Variants in DRD2 observed in about 807,000 individuals in gnomAD.
DRD2 encodes the protein D(2) dopamine receptor.
In DRD2, 8 loss-of-function variants were observed where a neutral mutation model predicts 38.0. That is an observed-to-expected ratio of 0.21 (90% CI 0.12 to 0.38). The LOEUF (loss-of-function observed/expected upper bound fraction) is 0.38. DRD2 is among the 10% of genes least tolerant of loss of function. The probability of loss-of-function intolerance (pLI) is 1.00; values close to 1 mark genes in which losing one functional copy is unlikely to be tolerated. For missense variants in DRD2, 403 were observed against 607.7 expected (o/e 0.66, Z 3.54); for synonymous variants, 230 against 238.6 (o/e 0.96, Z 0.33).
intron 1 of DRD2, among the ~76,000 whole-genome samples, chr11:113,429,910 G>A (rs1467304960): frequency 6.6e-6 from 1 of 152,212 alleles, no homozygotes; most frequent in Admixed American, 6.5e-5. Flanking sequence ...ATGACTCATG[G>A]CCATGTGCCA....
In DRD2 at chr11:113,418,044, A is replaced by C. The variant is rs148478679; in HGVS notation, c.378T>G (p.Cys126Trp). 1 of 1,614,096 alleles carries C rather than the reference A, an allele frequency of 6.2e-7. No homozygotes were observed. Among genetic ancestry groups the C allele is most frequent in the Non-Finnish European group, 8.5e-7 (1 of 1,180,038 alleles). The change falls in exon 3 of 8, where the codon TGT becomes TGG. Residue 126 changes from cysteine to tryptophan, a missense_variant. Around this residue, in one of 4 missense-constraint regions of DRD2, gnomAD observed 162 missense variants for 254.5 expected, o/e 0.64. Coordinates refer to ENST00000362072, the MANE Select transcript of DRD2 (RefSeq NM_000795.4). ...GGGCTCACCTGTCGATGCTGATGGC[A>C]CACAAGTTCAGGATGCTCGCCGTGC... is the stretch of plus-strand genomic sequence containing the variant. ...MMCTASILNL[C>W]AISIDRYTAV... is the part of the protein sequence containing the mutation.
At chr11:113,416,420 A>C (rs538606957) in intron 4 of DRD2, among the ~76,000 whole-genome samples, 22 of 152,308 alleles carry the variant, frequency 1.4e-4, no homozygotes, top group Non-Finnish European at 2.9e-4. Context: ...CCAGGTGGCT[A>C]AGGCCTGACC....
At chr11:113,466,599 T>C (rs1951372228) in intron 1 of DRD2, among the ~76,000 whole-genome samples, 1 of 152,100 alleles carries the variant, frequency 6.6e-6, no homozygotes, top group Non-Finnish European at 1.5e-5. Context: ...AGAGAAGGCA[T>C]GAAGTATGTT....
At chr11:113,416,308 G>A (rs1009686733) in intron 4 of DRD2, among the ~76,000 whole-genome samples, 3 of 152,148 alleles carry the variant, frequency 2.0e-5, no homozygotes, top group Admixed American at 6.5e-5. Flanking sequence ...CCACGCTGGC[G>A]GGGGCTTTGT....
chr11:113,458,191 A>G (rs77264605), intron 1 of DRD2, among the ~76,000 whole-genome samples: 11,199 of 152,324 alleles, frequency 0.074, 468 homozygotes, highest in East Asian at 0.15. Context: ...ATTTTTATAT[A>G]TAAACACACA....
chr11:113,466,494 C>A (rs1951370735), intron 1 of DRD2, among the ~76,000 whole-genome samples: 1 of 152,196 alleles, frequency 6.6e-6, no homozygotes, highest in Admixed American at 6.5e-5. Context: ...TATTCCCCAA[C>A]TTCCATGCCC....
rs1950833466 is a variant in DRD2 at position 113,416,943 on chromosome 11, C to T, written c.452G>A (p.Arg151Gln). ...LYNTRYSSKRRVTVMISIVWV... is the reference protein window; with the variant it reads ...LYNTRYSSKRQVTVMISIVWV... ...GACGATGGAGATCATGACGGTGACC[C>T]GGCGCTTGGAGCTGTAGCGCGTATT... The change falls in exon 4 of 8, where the codon CGG becomes CAG. Residue 151 changes from arginine to glutamine, a missense_variant. Coordinates refer to ENST00000362072, the MANE Select transcript of DRD2 (RefSeq NM_000795.4). 1.2e-6 allele frequency: 2 copies of T among 1,613,996 alleles called. No individual in the cohort carries two copies. The highest frequency in any genetic ancestry group is 1.3e-5 in the African/African-American group (1 of 74,938).
chr11:113,453,570 C>T (rs191134001), intron 1 of DRD2, among the ~76,000 whole-genome samples: 13 of 152,256 alleles, frequency 8.5e-5, no homozygotes, highest in Admixed American at 2.0e-4. Flanking sequence ...TAAAATAATT[C>T]GACAACTATT....
intron 1 of DRD2, among the ~76,000 whole-genome samples, chr11:113,467,409 C>T (rs931379678): frequency 2.0e-5 from 3 of 152,200 alleles, no homozygotes; most frequent in African/African-American, 7.2e-5. Flanking sequence ...TTCCATCCTC[C>T]TTTCTCAGGC....
intron 6 of DRD2, 114 bp downstream of exon 6, chr11:113,414,261 G>A (rs749435049): frequency 1.0e-6 from 1 of 963,164 alleles, no homozygotes; most frequent in Non-Finnish European, 1.7e-6. Context: ...GGCAAGGTGG[G>A]GGTTTCTGGG....
chr11:113,417,251 C>T (rs1040657073), intron 3 of DRD2, among the ~76,000 whole-genome samples: 4 of 152,192 alleles, frequency 2.6e-5, no homozygotes, highest in African/African-American at 9.7e-5. Context: ...TTATTCTAAC[C>T]GGCCCCACCT....
At chr11:113,417,679 G>A (rs1950840311) in intron 3 of DRD2, among the ~76,000 whole-genome samples, 1 of 152,186 alleles carries the variant, frequency 6.6e-6, no homozygotes, top group Admixed American at 6.5e-5. Flanking sequence ...TCTAGAAAAT[G>A]AAACTGAGAG....
At chr11:113,436,596 C>T (rs1275198500) in intron 1 of DRD2, among the ~76,000 whole-genome samples, 1 of 151,874 alleles carries the variant, frequency 6.6e-6, no homozygotes, top group Non-Finnish European at 1.5e-5. Context: ...TATATGCTGT[C>T]TGGGAATTAT....
intron 1 of DRD2, among the ~76,000 whole-genome samples, chr11:113,445,752 T>C (rs1342931309): frequency 1.3e-5 from 2 of 152,210 alleles, no homozygotes; most frequent in Non-Finnish European, 2.9e-5. Flanking sequence ...GTTCCAGGCA[T>C]AGCAACCCTC....
At chr11:113,413,710 G>A (rs1308710779) in intron 6 of DRD2, among the ~76,000 whole-genome samples, 4 of 152,122 alleles carry the variant, frequency 2.6e-5, no homozygotes, top group Admixed American at 2.6e-4. Context: ...GGGTTCTCTG[G>A]CCCTGTTCTC....
intron 1 of DRD2, among the ~76,000 whole-genome samples, chr11:113,428,220 G>T (rs1950956808): frequency 6.6e-6 from 1 of 152,204 alleles, no homozygotes; most frequent in Non-Finnish European, 1.5e-5. Flanking sequence ...ACAGGGGAAT[G>T]CTCTCAGGAT....
rs1002746722 is a variant in DRD2 at position 113,466,887 on chromosome 11, A to G, written c.-32+8189T>C. On this transcript the variant is annotated intron_variant, in intron 1 of 7. Coordinates refer to ENST00000362072, the MANE Select transcript of DRD2 (RefSeq NM_000795.4). ...AGAAGACAAGAAATGCACAATTGAG[A>G]GATTAGCATTAAGCATTAAGTTGGC... Among the ~76,000 whole-genome samples, 5 of 152,236 alleles carry G rather than the reference A, an allele frequency of 3.3e-5. No homozygotes were observed. In the East Asian group the frequency reaches 9.6e-4, roughly 29 times the overall value.
At chr11:113,426,123 G>T (rs1950939610) in intron 1 of DRD2, among the ~76,000 whole-genome samples, 1 of 152,120 alleles carries the variant, frequency 6.6e-6, no homozygotes, top group East Asian at 1.9e-4. Context: ...GGAGAGACCT[G>T]TTCAGAATTA....
intron 1 of DRD2, among the ~76,000 whole-genome samples, chr11:113,461,107 T>C (rs751288446): frequency 3.9e-5 from 6 of 152,194 alleles, no homozygotes; most frequent in Non-Finnish European, 8.8e-5. Context: ...CTGGGAGATA[T>C]TACAGACAGC....
Sources: gnomAD v4.1 joint callset for allele counts (sites outside exome capture counted in the v4.1 genomes callset) on GRCh38, gnomAD v4.1.1 for gene constraint, gnomAD v4.1.1 regional missense constraint, MANE v1.5 for transcripts, NCBI Gene and HGNC (gene_info 2026-07-23, HGNC 2026-07-21) for gene names.